The following TIE1 variants were observed in gnomAD, a reference collection of about 807,000 sequenced individuals.
TIE1 encodes tyrosine kinase with immunoglobulin like and EGF like domains 1.
A neutral mutation model predicts 130.5 loss-of-function variants in TIE1; 89 were observed. The ratio of observed to expected loss-of-function variants is 0.68; its 90% CI spans 0.57 to 0.81. TIE1 has a LOEUF of 0.81. Ranked by LOEUF, TIE1 falls within the 40% of genes least tolerant of loss-of-function variation. The pLI, the probability that TIE1 is intolerant of heterozygous loss-of-function variation, is 0.00. For missense variants in TIE1, 1,392 were observed against 1,559.8 expected, an observed-to-expected ratio of 0.89 and a Z score of 1.81; for synonymous variants, 568 against 629.4, an observed-to-expected ratio of 0.90 and a Z score of 1.46.
Position 43,309,678 on chromosome 1 carries a change from A to G in TIE1, c.1333+146A>G. 8.3e-7 allele frequency: 1 copy of G among 1,199,010 alleles called. No homozygotes were observed. The highest frequency in any genetic ancestry group is 2.0e-5 in the South Asian group (1 of 49,900). 74.3% of individuals were successfully genotyped at this position (1,199,010 alleles called of 1,614,324 possible). Reference sequence around the variant, plus strand: ...CAGACAAAAAGCGGGGTTGTGGTCAACCAGAGGTCCGGGCTGGGCAGTGTC... The same window carrying G: ...CAGACAAAAAGCGGGGTTGTGGTCAGCCAGAGGTCCGGGCTGGGCAGTGTC... On this transcript the variant is annotated intron_variant, in intron 9 of 22. Transcript: ENST00000372476. The surrounding 1 kb of genome is among the most constrained non-coding windows in gnomAD (Gnocchi z 6.3).
chr1:43,309,278 G>A lies in TIE1; in HGVS notation c.1189-110G>A. On this transcript the variant is annotated intron_variant, in intron 8 of 22. Coordinates refer to ENST00000372476, the MANE Select transcript of TIE1 (RefSeq NM_005424.5). The surrounding 1 kb of genome is among the most constrained non-coding windows in gnomAD (Gnocchi z 6.3). ...CACATGAGGTCAGGCTGATTGGTGA[G>A]GGGGCTGCCACTGGGCCTCTGTCCT... 1.3e-6 allele frequency: 2 copies of A among 1,513,356 alleles called. No homozygotes were observed. Among genetic ancestry groups the A allele is most frequent in the South Asian group, 2.7e-5 (2 of 74,678 alleles). The allele number at this position is 1,513,356 out of a possible 1,614,324, so 93.7% of individuals were successfully genotyped here.
In TIE1 at chr1:43,306,829, A is replaced by T; in HGVS notation, c.485-11A>T. The T allele has an allele frequency of 1.2e-6, 2 of 1,601,326 alleles. No homozygotes were observed. Among genetic ancestry groups the T allele is most frequent in the African/African-American group, 2.7e-5 (2 of 74,750 alleles). On this transcript the variant is annotated splice_polypyrimidine_tract_variant and intron_variant, in intron 3 of 22. Coordinates refer to ENST00000372476, the MANE Select transcript of TIE1 (RefSeq NM_005424.5). This position sits in a 1 kb window ranked among gnomAD's most constrained non-coding sequence, Gnocchi z 4.9. Reference sequence around the variant, plus strand: ...TAGTGCTGAGGCCCCTGACACATTCATGTCCCCCAGGATCCTACTTCTACA... The same window carrying T: ...TAGTGCTGAGGCCCCTGACACATTCTTGTCCCCCAGGATCCTACTTCTACA...
chr1:43,304,897 C>T lies in TIE1; in HGVS notation c.105C>T (p.Asp35=), dbSNP rs374639414. ...LTLLANLRLT[D]PQRFFLTCVS... is the part of the protein sequence containing the mutation. ...TGCTGGCCAACCTGCGGCTCACGGA[C>T]CCCCAGCGCTTCTTCCTGACTTGCG... Residue 35 remains aspartate (D), a synonymous_variant, in exon 2 of 23, where the codon GAC becomes GAT. Transcript: ENST00000372476. 9.8e-6 allele frequency: 14 copies of T among 1,432,154 alleles called. No homozygotes were observed. The Admixed American group carries it at 2.4e-4, about 24-fold the overall frequency. The allele number at this position is 1,432,154 out of a possible 1,614,324, so 88.7% of individuals were successfully genotyped here.
rs1646857826 is a variant in TIE1 at position 43,316,274 on chromosome 1, T to C, written c.2410-925T>C. ...GACCTATACATGATGCACCTACATA[T>C]GGTGCTGCCCAAGAACATCACGTGC... On this transcript the variant is annotated intron_variant, in intron 14 of 22. Coordinates refer to ENST00000372476, the MANE Select transcript of TIE1 (RefSeq NM_005424.5). This position sits in a 1 kb window ranked among gnomAD's most constrained non-coding sequence, Gnocchi z 4.4. Among the ~76,000 whole-genome samples the C allele has an allele frequency of 6.6e-6, 1 of 152,322 alleles. No individual in the cohort carries two copies. The highest frequency in any genetic ancestry group is 1.9e-4 in the East Asian group (1 of 5,184).
intron 1 of TIE1, among the ~76,000 whole-genome samples, chr1:43,301,347 T>A (rs1362342371): frequency 6.6e-6 from 1 of 152,022 alleles, no homozygotes; most frequent in Non-Finnish European, 1.5e-5. Flanking sequence ...TGGGGCCGGG[T>A]GCGGTGGTTC....
chr1:43,322,606 T>G lies in TIE1; in HGVS notation c.3346-45T>G. Reference sequence around the variant, plus strand: ...GGAAGTCCAGGAGCTTGAGGCCAGATGCACCCCCATTCCTGGCCCCCACTA... The same window carrying G: ...GGAAGTCCAGGAGCTTGAGGCCAGAGGCACCCCCATTCCTGGCCCCCACTA... On this transcript the variant is annotated intron_variant, in intron 22 of 22. Transcript: ENST00000372476. The surrounding 1 kb of genome is among the most constrained non-coding windows in gnomAD (Gnocchi z 4.0). The G allele has an allele frequency of 6.5e-7, 1 of 1,540,292 alleles. No individual in the cohort carries two copies. Among genetic ancestry groups the G allele is most frequent in the Non-Finnish European group, 9.0e-7 (1 of 1,114,006 alleles).
intron 9 of TIE1, among the ~76,000 whole-genome samples, 165 bp from the exon 10 acceptor site, chr1:43,311,506 A>T (rs1646790016): frequency 6.6e-6 from 1 of 151,936 alleles, no homozygotes; most frequent in Non-Finnish European, 1.5e-5. Flanking sequence ...CTTGTGCCCC[A>T]AGCTACCCAG....
At position 43,306,981 on chromosome 1, in the gene TIE1, G is replaced by C; in HGVS notation, c.626G>C (p.Arg209Pro). ...AGCCCCCTGGGCAGCGCCTTCTTTC[G>C]GCTCATCGTGCGGGGTCAGAGGCAG... ...EASPLGSAFF[R>P]LIVRGCGAGR... Residue 209 changes from arginine (R) to proline (P), a missense_variant, in exon 4 of 23, where the codon CGG (arginine) becomes CCG (proline). Around this residue, in one of 6 missense-constraint regions of TIE1, gnomAD observed 415 missense variants for 424.8 expected, o/e 0.98. Transcript: ENST00000372476. The surrounding 1 kb of genome is among the most constrained non-coding windows in gnomAD (Gnocchi z 4.9). The C allele has an allele frequency of 1.2e-6, 2 of 1,613,848 alleles. No individual in the cohort carries two copies. Among genetic ancestry groups the C allele is most frequent in the Non-Finnish European group, 1.7e-6 (2 of 1,180,002 alleles).
rs1055707129 is a variant in TIE1, at chr1:43,301,204, A to G, written c.58+75A>G. On this transcript the variant is annotated intron_variant, in intron 1 of 22. Transcript: ENST00000372476. ...ATTTCTACCCAAGAAACCCTATTTTATCATAGAGACAGAAAGTAGGATGAT... is the reference window on the plus strand; with the variant it reads ...ATTTCTACCCAAGAAACCCTATTTTGTCATAGAGACAGAAAGTAGGATGAT... 3 of 1,510,394 alleles carry G rather than the reference A, an allele frequency of 2.0e-6. No homozygotes were observed. In the African/African-American group the frequency reaches 4.2e-5, roughly 21 times the overall value. 93.6% of individuals were successfully genotyped at this position (1,510,394 alleles called of 1,614,324 possible).
chr1:43,305,273 A>G lies in TIE1; in HGVS notation c.414A>G (p.Lys138=), dbSNP rs1237947018. The G allele has an allele frequency of 6.2e-7, 1 of 1,612,726 alleles. No homozygotes were observed. The highest frequency in any genetic ancestry group is 8.5e-7 in the Non-Finnish European group (1 of 1,178,952). ...LPDKVTHTVN[K]GDTAVLSARV... is the part of the protein sequence containing the mutation. ...ACAAGGTCACACACACTGTGAACAA[A>G]GGTGACACCGCTGTACTTTCTGCAC... Residue 138 remains lysine, a synonymous_variant, in exon 3 of 23, where the codon AAA becomes AAG. Coordinates refer to ENST00000372476, the MANE Select transcript of TIE1 (RefSeq NM_005424.5).
At chr1:43,321,951 A>G (rs189709478) in intron 22 of TIE1, among the ~76,000 whole-genome samples, 44 of 152,144 alleles carry the variant, frequency 2.9e-4, no homozygotes, top group African/African-American at 1.1e-3. Context: ...CCAACAGCAA[A>G]TCCCTACCTT....
In TIE1 at chr1:43,318,692, C is replaced by T. The variant is rs750861983; in HGVS notation, c.2923-543C>T. On this transcript the variant is annotated intron_variant, in intron 17 of 22. Coordinates refer to ENST00000372476, the MANE Select transcript of TIE1 (RefSeq NM_005424.5). The surrounding 1 kb of genome is among the most constrained non-coding windows in gnomAD (Gnocchi z 4.4). Reference sequence around the variant, plus strand: ...CTAATTTTTGTATTTTTAGTAGAGACGAGGTTTCACCATGCTGGCCAGGCT... The same window carrying T: ...CTAATTTTTGTATTTTTAGTAGAGATGAGGTTTCACCATGCTGGCCAGGCT... Among the ~76,000 whole-genome samples the T allele has an allele frequency of 2.2e-4, 33 of 151,972 alleles. No individual in the cohort carries two copies. Among genetic ancestry groups the T allele is most frequent in the Admixed American group, 1.2e-3 (18 of 15,248 alleles).
rs1439020776 is a variant in TIE1, at chr1:43,309,601, G to A, written c.1333+69G>A. 4.7e-6 allele frequency: 7 copies of A among 1,494,350 alleles called. No individual in the cohort carries two copies. The highest frequency in any genetic ancestry group is 6.2e-6 in the Non-Finnish European group (7 of 1,122,098). 92.6% of individuals were successfully genotyped at this position (1,494,350 alleles called of 1,614,324 possible). A position where few individuals can be genotyped will look rare whatever the true frequency, so the allele number is the denominator to read the frequency against. ...GTAGGCTCTAGATGATGCTGCTCAG[G>A]CTGGAGATACTAGCAGGAAGGACAA... is the stretch of plus-strand genomic sequence containing the variant. On this transcript the variant is annotated intron_variant, in intron 9 of 22. Transcript: ENST00000372476. This position sits in a 1 kb window ranked among gnomAD's most constrained non-coding sequence, Gnocchi z 6.3.
In TIE1 at chr1:43,318,120, G is replaced by C. The variant is rs375142555; in HGVS notation, c.2922+48G>C. On this transcript the variant is annotated intron_variant, in intron 17 of 22. Coordinates refer to ENST00000372476, the MANE Select transcript of TIE1 (RefSeq NM_005424.5). This position sits in a 1 kb window ranked among gnomAD's most constrained non-coding sequence, Gnocchi z 4.4. The stretch of plus-strand genomic sequence containing the variant: ...GGAGGCCAGAGGGGGAAGCCACTGG[G>C]CTGGTGTCAGTGGAAGAAGTCAGCC... 3 of 1,502,168 alleles carry C rather than the reference G, an allele frequency of 2.0e-6. No homozygotes were observed. The Admixed American group carries it at 6.9e-5, about 35-fold the overall frequency. 93.1% of individuals were successfully genotyped at this position (1,502,168 alleles called of 1,614,324 possible).
intron 1 of TIE1, among the ~76,000 whole-genome samples, chr1:43,302,103 G>A (rs1646676437): frequency 6.6e-6 from 1 of 152,264 alleles, no homozygotes; most frequent in Admixed American, 6.5e-5. Flanking sequence ...TTCAGGGGGT[G>A]TTCATAGGGT....
Position 43,306,242 on chromosome 1 carries a change from C to T in TIE1, c.485-598C>T, listed in dbSNP as rs1646727107. Among the ~76,000 whole-genome samples, 1 of 152,092 alleles carries T rather than the reference C, an allele frequency of 6.6e-6. No individual in the cohort carries two copies. Among genetic ancestry groups the T allele is most frequent in the South Asian group, 2.1e-4 (1 of 4,832 alleles). On this transcript the variant is annotated intron_variant, in intron 3 of 22. Transcript: ENST00000372476. The surrounding 1 kb of genome is among the most constrained non-coding windows in gnomAD (Gnocchi z 4.9). ...AGGAAGGGCCTTCCAGGAGGAGGGA[C>T]TGAGAAGAGCAGTAGGGTCTGAAAC...
chr1:43,312,882 C>G lies in TIE1; in HGVS notation c.1928-253C>G, dbSNP rs137932758. Among the ~76,000 whole-genome samples the G allele has an allele frequency of 3.6e-3, 545 of 151,972 alleles. 2 individuals are homozygous for G. Among genetic ancestry groups the G allele is most frequent in the East Asian group, 0.024 (126 of 5,158 alleles). ...GGGTCATGGGAGGGCATGAGACTTGCGGAACACAGGGCATGGGCGGATGTG... is the reference window on the plus strand; with the variant it reads ...GGGTCATGGGAGGGCATGAGACTTGGGGAACACAGGGCATGGGCGGATGTG... On this transcript the variant is annotated intron_variant, in intron 12 of 22. Coordinates refer to ENST00000372476, the MANE Select transcript of TIE1 (RefSeq NM_005424.5). This position sits in a 1 kb window ranked among gnomAD's most constrained non-coding sequence, Gnocchi z 5.6.
In TIE1 at chr1:43,313,996, CA is replaced by C; in HGVS notation, c.2409+29del. On this transcript the variant is annotated intron_variant, in intron 14 of 22. Transcript: ENST00000372476. This position sits in a 1 kb window ranked among gnomAD's most constrained non-coding sequence, Gnocchi z 6.2. ...CAGTGACCCGCCCCGCCCCTGGGTG[CA>C]TGCTTGCAGCCCGTGTTTATGTTTC... is the stretch of plus-strand genomic sequence containing the variant. 6.2e-7 allele frequency: 1 copy of C among 1,612,292 alleles called. No individual in the cohort carries two copies. The highest frequency in any genetic ancestry group is 8.5e-7 in the Non-Finnish European group (1 of 1,178,542).
In TIE1 at chr1:43,309,016, CA is replaced by C; in HGVS notation, c.1074del (p.Glu359AsnfsTer6). The C allele has an allele frequency of 6.2e-7, 1 of 1,614,056 alleles. No individual in the cohort carries two copies. Among genetic ancestry groups the C allele is most frequent in the Non-Finnish European group, 8.5e-7 (1 of 1,179,978 alleles). ...DRIPQILNMA[S>X]ELEFNLETMP... ...ATCCCCCAGATCCTCAACATGGCCT[CA>C]GAACTGGAGTTCAACTTAGAGACGA... is the stretch of plus-strand genomic sequence containing the variant. On this transcript the variant is annotated frameshift_variant, in exon 8 of 23. Transcript: ENST00000372476. LOFTEE classifies it high-confidence loss of function. This position sits in a 1 kb window ranked among gnomAD's most constrained non-coding sequence, Gnocchi z 6.3.
Sources: gnomAD v4.1 joint callset for allele counts (sites outside exome capture counted in the v4.1 genomes callset) on GRCh38, gnomAD v4.1.1 for gene constraint, gnomAD v4.1.1 regional missense constraint, Gnocchi (gnomAD v3.1) non-coding constraint, MANE v1.5 for transcripts, NCBI Gene and HGNC (gene_info 2026-07-23, HGNC 2026-07-21) for gene names.